The following IKZF2 variants were observed in gnomAD, a reference collection of about 807,000 sequenced individuals.
The protein encoded by IKZF2 is zinc finger protein Helios.
IKZF2 carries 15 observed loss-of-function variants against 49.2 expected under a neutral mutation model. The observed-to-expected ratio is 0.30, with a 90% CI of 0.20 to 0.47. The LOEUF (loss-of-function observed/expected upper bound fraction) is 0.47, where lower values mean the gene tolerates loss of function less well. Among genes scored for constraint, IKZF2 ranks in the 20% least tolerant of loss-of-function variants. The pLI is 1.00. For synonymous variants in IKZF2, 227 were observed against 221.4 expected (o/e 1.03, Z -0.23); for missense variants, 567 against 664.6 (o/e 0.85, Z 1.61).
chr2:213,015,997 A>G (rs1048100020), intron 7 of IKZF2, among the ~76,000 whole-genome samples: 40 of 152,058 alleles, frequency 2.6e-4, no homozygotes, highest in African/African-American at 8.9e-4. Context: ...ACCTCAATTC[A>G]GATGATTTGT....
chr2:213,019,407 G>A (rs1696961443), intron 7 of IKZF2, among the ~76,000 whole-genome samples: 1 of 152,122 alleles, frequency 6.6e-6, no homozygotes, highest in Non-Finnish European at 1.5e-5. Context: ...CTATTTATAT[G>A]AGACGTATGT....
intron 6 of IKZF2, among the ~76,000 whole-genome samples, chr2:213,046,506 A>T (rs1183895184): frequency 6.6e-6 from 1 of 152,212 alleles, no homozygotes; most frequent in Non-Finnish European, 1.5e-5. Flanking sequence ...TTACAGGTCC[A>T]CTTAAGGGAG....
chr2:213,095,554 G>T (rs1705874810), intron 4 of IKZF2, among the ~76,000 whole-genome samples: 4 of 151,914 alleles, frequency 2.6e-5, no homozygotes, highest in Admixed American at 2.6e-4. Flanking sequence ...AAACATAGAA[G>T]AATCAAAAAT....
rs1695096519 is a variant in IKZF2, at chr2:213,003,760, A to T, written c.*3600T>A. 6.6e-6 allele frequency: 1 copy of T among 151,774 alleles called. No individual in the cohort carries two copies. The highest frequency in any genetic ancestry group is 1.5e-5 in the Non-Finnish European group (1 of 67,782). The allele number at this position is 151,774 out of a possible 1,614,324, so 9.4% of individuals were successfully genotyped here. On this transcript the variant is annotated 3_prime_UTR_variant, in exon 9 of 9. Transcript: ENST00000434687. ...TGGTTTTGTGAGTTGTACAACTGAG[A>T]TAAAAACTATAAAAACAAAATACCG...
At chr2:213,060,188 C>T (rs1293615400) in intron 4 of IKZF2, among the ~76,000 whole-genome samples, 1 of 151,132 alleles carries the variant, frequency 6.6e-6, no homozygotes, top group Non-Finnish European at 1.5e-5. Context: ...AAAGTTTTCT[C>T]CACTCATAGA....
At chr2:213,020,497 A>T (rs1438667357) in intron 7 of IKZF2, among the ~76,000 whole-genome samples, 1 of 152,116 alleles carries the variant, frequency 6.6e-6, no homozygotes, top group Non-Finnish European at 1.5e-5. Context: ...TATGTTCCAG[A>T]TCCTATGCTA....
intron 7 of IKZF2, among the ~76,000 whole-genome samples, chr2:213,018,315 TATAA>T (rs1322003397): frequency 3.3e-5 from 5 of 152,264 alleles, no homozygotes; most frequent in East Asian, 3.9e-4. Context: ...AATTTAATTA[TATAA>T]ATAATCTGTC....
chr2:213,083,551 C>CTTTTTT (rs35297007), intron 4 of IKZF2, among the ~76,000 whole-genome samples: 4 of 93,954 alleles, frequency 4.3e-5, no homozygotes, highest in Non-Finnish European at 8.2e-5. Context: ...ACCAGGCTAA[C>CTTTTTT]TTTTTTTTTT....
chr2:213,023,817 G>A (rs894623101), intron 6 of IKZF2, among the ~76,000 whole-genome samples: 26 of 152,126 alleles, frequency 1.7e-4, no homozygotes, highest in Admixed American at 1.2e-3. Flanking sequence ...AGTCATTTCC[G>A]GGTCTTCCCT....
intron 4 of IKZF2, among the ~76,000 whole-genome samples, chr2:213,140,218 AT>A (rs938190055): frequency 2.0e-5 from 3 of 151,946 alleles, no homozygotes; most frequent in Admixed American, 2.0e-4. Flanking sequence ...CAGCGCTTAC[AT>A]TTTTAAGATG....
chr2:213,026,590 C>A (rs1434211525), intron 6 of IKZF2, among the ~76,000 whole-genome samples: 1 of 152,022 alleles, frequency 6.6e-6, no homozygotes, highest in Non-Finnish European at 1.5e-5. Context: ...AAATCTCTTT[C>A]TAATTTCAAA....
chr2:213,133,802 T>C (rs752989548), intron 4 of IKZF2, among the ~76,000 whole-genome samples: 2 of 152,130 alleles, frequency 1.3e-5, no homozygotes, highest in Non-Finnish European at 2.9e-5. Flanking sequence ...TGACACTGGT[T>C]GCATAAATAT....
intron 6 of IKZF2, among the ~76,000 whole-genome samples, chr2:213,025,840 C>T (rs1254891094): frequency 6.6e-6 from 1 of 152,130 alleles, no homozygotes; most frequent in African/African-American, 2.4e-5. Context: ...TTACCTTCTA[C>T]CTCTTTTCCT....
Position 213,005,503 on chromosome 2 carries a change from A to G in IKZF2, c.*1857T>C, listed in dbSNP as rs1367090146. On this transcript the variant is annotated 3_prime_UTR_variant, in exon 9 of 9. Coordinates refer to ENST00000434687, the MANE Select transcript of IKZF2 (RefSeq NM_001387220.1). ...GTAAGCTGGAAAATGAGTTAAGAGC[A>G]GTATTGGGGCCAAACTTGCTTATGT... 2 of 152,012 alleles carry G rather than the reference A, an allele frequency of 1.3e-5. No homozygotes were observed. The highest frequency in any genetic ancestry group is 2.9e-5 in the Non-Finnish European group (2 of 67,978). 9.4% of individuals were successfully genotyped at this position (152,012 alleles called of 1,614,324 possible).
intron 6 of IKZF2, among the ~76,000 whole-genome samples, chr2:213,036,802 G>A (rs929504028): frequency 6.6e-6 from 1 of 152,086 alleles, no homozygotes; most frequent in African/African-American, 2.4e-5. Flanking sequence ...TCTACCATTT[G>A]AGAGTTTTCT....
At chr2:213,049,496 C>T (rs1700484037) in intron 6 of IKZF2, among the ~76,000 whole-genome samples, 1 of 151,964 alleles carries the variant, frequency 6.6e-6, no homozygotes, top group South Asian at 2.1e-4. Context: ...AAGTAAGATA[C>T]TCTTCAGTTG....
rs1695503294 is a variant in IKZF2 at position 213,007,849 on chromosome 2, T to C, written c.1092A>G (p.Ile364Met). 1 of 1,613,626 alleles carries C rather than the reference T, an allele frequency of 6.2e-7. No individual in the cohort carries two copies. The highest frequency in any genetic ancestry group is 8.5e-7 in the Non-Finnish European group (1 of 1,179,752). The change falls in exon 9 of 9, where the codon ATA becomes ATG. Residue 364 changes from isoleucine (I) to methionine (M), a missense_variant. This residue lies in a region of IKZF2 where 310 missense variants were observed against 326.9 expected (regional missense o/e 0.95). Transcript: ENST00000434687. ...CAGTTTCCCTGCTAATGGGTCTTTCTATCCTATTTGGATGATAGACCTGAG... is the reference window on the plus strand; with the variant it reads ...CAGTTTCCCTGCTAATGGGTCTTTCCATCCTATTTGGATGATAGACCTGAG... ...AYSQVYHPNR[I>M]ERPISRETAD... is the part of the protein sequence containing the mutation.
chr2:213,070,917 T>C (rs1438396828), intron 4 of IKZF2, among the ~76,000 whole-genome samples: 1 of 152,174 alleles, frequency 6.6e-6, no homozygotes, highest in Non-Finnish European at 1.5e-5. Flanking sequence ...GTGAAATTGG[T>C]AGCAATGGAA....
intron 4 of IKZF2, among the ~76,000 whole-genome samples, chr2:213,116,421 C>T (rs2125804815): frequency 6.6e-6 from 1 of 152,264 alleles, no homozygotes; most frequent in South Asian, 2.1e-4. Context: ...ATGCCTAATA[C>T]ACAGTAAATG....
Sources: gnomAD v4.1 joint callset for allele counts (sites outside exome capture counted in the v4.1 genomes callset) on GRCh38, gnomAD v4.1.1 for gene constraint, gnomAD v4.1.1 regional missense constraint, MANE v1.5 for transcripts, NCBI Gene and HGNC (gene_info 2026-07-23, HGNC 2026-07-21) for gene names.